Variants in ATP13A5 observed in about 807,000 individuals in gnomAD.
ATP13A5 encodes the protein probable cation-transporting ATPase 13A5.
Under a neutral mutation model 150.2 loss-of-function variants are expected in ATP13A5, and 149 were observed. The observed-to-expected ratio is 0.99, with a 90% confidence interval of 0.87 to 1.14. The LOEUF (loss-of-function observed/expected upper bound fraction) is 1.14. Among genes scored for constraint, ATP13A5 ranks in the 50% most tolerant of loss-of-function variants. The pLI is 0.00. For missense variants in ATP13A5, 1,383 were observed against 1,449.3 expected, an observed-to-expected ratio of 0.95 and a Z score of 0.74; for synonymous variants, 497 against 522.2, an observed-to-expected ratio of 0.95 and a Z score of 0.66.
In ATP13A5 at chr3:193,364,152, G is replaced by C. The variant is rs1000318402; in HGVS notation, c.192C>G (p.Ile64Met). The change falls in exon 2 of 30, where the codon ATC (isoleucine) becomes ATG (methionine). Residue 64 changes from isoleucine to methionine, a missense_variant. By Grantham distance (10) the Ile-to-Met change is conservative. Coordinates refer to ENST00000342358, the MANE Select transcript of ATP13A5 (RefSeq NM_198505.4). ...TGTCTGCTTCTTGCAAGGGGCATGG[G>C]ATGCAGTTGGCCCACACTCTCCACT... Reference protein sequence around the residue: ...RPQWRVWANCIPCPLQEADTV... With the variant: ...RPQWRVWANCMPCPLQEADTV... 2.5e-6 allele frequency: 4 copies of C among 1,613,938 alleles called. No individual in the cohort carries two copies. Among genetic ancestry groups the C allele is most frequent in the Admixed American group, 1.7e-5 (1 of 59,986 alleles).
chr3:193,364,608 G>C (rs950501642), intron 1 of ATP13A5, among the ~76,000 whole-genome samples: 5 of 151,164 alleles, frequency 3.3e-5, no homozygotes, highest in Non-Finnish European at 4.4e-5. Flanking sequence ...TTTTCTTTAG[G>C]CATTAGTTAT....
At chr3:193,301,338 G>A (rs139485206) in intron 23 of ATP13A5, 31 bp from the exon 24 acceptor site, 17 of 1,553,700 alleles carry the variant, frequency 1.1e-5, no homozygotes, top group Admixed American at 1.1e-4. Context: ...ATAAAAATTG[G>A]TTATGTATGA....
chr3:193,377,047 T>C (rs1713669463), intron 1 of ATP13A5, among the ~76,000 whole-genome samples: 1 of 152,206 alleles, frequency 6.6e-6, no homozygotes, highest in Non-Finnish European at 1.5e-5. Flanking sequence ...GGCACCTGGC[T>C]CATTATTTAA....
At position 193,324,873 on chromosome 3, in the gene ATP13A5, G is replaced by A. The variant is rs1719414812; in HGVS notation, c.1665C>T (p.Gly555=). Residue 555 remains glycine (G), a synonymous_variant, in exon 14 of 30, where the codon GGC becomes GGT. Coordinates refer to ENST00000342358, the MANE Select transcript of ATP13A5 (RefSeq NM_198505.4). ...GDPLDLKMFE[G]TAWKMEDCIV... is the part of the protein sequence containing the mutation. ...TAAACTATCACCTTACCCAGGCAGT[G>A]CCCTCAAACATTTTGAGGTCCAGAG... The A allele has an allele frequency of 1.2e-6, 2 of 1,613,728 alleles. No homozygotes were observed. The highest frequency in any genetic ancestry group is 1.3e-5 in the African/African-American group (1 of 74,886).
chr3:193,310,660 T>C lies in ATP13A5; in HGVS notation c.2503A>G (p.Ile835Val). 6.2e-7 allele frequency: 1 copy of C among 1,607,198 alleles called. No individual in the cohort carries two copies. The highest frequency in any genetic ancestry group is 8.5e-7 in the Non-Finnish European group (1 of 1,178,246). Residue 835 changes from isoleucine to valine, a missense_variant, in exon 21 of 30, where the codon ATT becomes GTT. By Grantham distance (29) the Ile-to-Val change is conservative. Around this residue, in one of 3 missense-constraint regions of ATP13A5, gnomAD observed 568 missense variants for 621.5 expected, o/e 0.91. Transcript: ENST00000342358. ...RMSPGQKSSL[I>V]EEFQKLNYYV... ...TACTTTAATTTCTGAAATTCTTCAA[T>C]AAGGCTTGATTTCTGCCCAGGAGAC...
intron 26 of ATP13A5, among the ~76,000 whole-genome samples, chr3:193,287,770 A>G (rs1229719714): frequency 6.6e-6 from 1 of 152,158 alleles, no homozygotes. Flanking sequence ...TTTTTAAGAA[A>G]TACACTTTTT....
At position 193,363,301 on chromosome 3, in the gene ATP13A5, C is replaced by T. The variant is rs201387347; in HGVS notation, c.319G>A (p.Glu107Lys). ...TGGCGGTCAGCCACCAGGGATTCTT[C>T]CCACTTCTTGCTTACAGGAAACTTC... is the stretch of plus-strand genomic sequence containing the variant. ...TLKFPVSKKW[E>K]ESLVADRHSV... The change falls in exon 3 of 30, where the codon GAA (glutamate) becomes AAA (lysine). Residue 107 changes from glutamate (E) to lysine (K), a missense_variant. Glu to Lys is a moderately conservative substitution (Grantham distance 56). This residue lies in a region of ATP13A5 where 787 missense variants were observed against 771.9 expected (regional missense o/e 1.02). Coordinates refer to ENST00000342358, the MANE Select transcript of ATP13A5 (RefSeq NM_198505.4). The T allele has an allele frequency of 3.3e-3, 5,366 of 1,613,890 alleles. 13 individuals are homozygous for T. The highest frequency in any genetic ancestry group is 4.2e-3 in the Non-Finnish European group (4,902 of 1,179,816).
chr3:193,297,656 G>T (rs1193919271), intron 25 of ATP13A5, among the ~76,000 whole-genome samples: 1 of 151,912 alleles, frequency 6.6e-6, no homozygotes, highest in Non-Finnish European at 1.5e-5. Context: ...GGTAATAACG[G>T]TCCCACTGTG....
At chr3:193,299,545 T>A (rs1202456850) in intron 24 of ATP13A5, among the ~76,000 whole-genome samples, 1 of 152,168 alleles carries the variant, frequency 6.6e-6, no homozygotes, top group Non-Finnish European at 1.5e-5. Flanking sequence ...TTAGAAATGT[T>A]ATACTTAAAA....
chr3:193,292,545 C>T (rs553442315), intron 25 of ATP13A5, among the ~76,000 whole-genome samples: 24 of 152,248 alleles, frequency 1.6e-4, no homozygotes, highest in East Asian at 5.8e-4. Context: ...CTTGCACAGC[C>T]GGGCTTGCCC....
chr3:193,362,551 A>G lies in ATP13A5; in HGVS notation c.455+16T>C. The stretch of plus-strand genomic sequence containing the variant: ...CCCTATATCCTGACCAAGGGGTGAC[A>G]AAACATTGTACTTACCCAACTTTCT... On this transcript the variant is annotated intron_variant, in intron 4 of 29. Transcript: ENST00000342358. 6.2e-7 allele frequency: 1 copy of G among 1,614,066 alleles called. No homozygotes were observed. Among genetic ancestry groups the G allele is most frequent in the Non-Finnish European group, 8.5e-7 (1 of 1,179,896 alleles).
intron 12 of ATP13A5, among the ~76,000 whole-genome samples, chr3:193,329,990 C>T (rs1326927865): frequency 6.6e-6 from 1 of 152,162 alleles, no homozygotes; most frequent in Non-Finnish European, 1.5e-5. Flanking sequence ...CACTCCTTAG[C>T]GTGGCATATG....
intron 25 of ATP13A5, among the ~76,000 whole-genome samples, chr3:193,298,783 G>A (rs6804658): frequency 0.039 from 5,918 of 152,202 alleles, 332 homozygotes; most frequent in African/African-American, 0.13. Flanking sequence ...CTGGTTTCAC[G>A]TCAATGTGAA....
rs536739186 is a variant in ATP13A5 at position 193,311,666 on chromosome 3, G to C, written c.2445+150C>G. On this transcript the variant is annotated intron_variant, in intron 20 of 29. Transcript: ENST00000342358. ...GACCGAGAAGGCATAAAAAGGGCCA[G>C]AAAACTTTTTCAGGAGCAGTACTCC... 6.0e-6 allele frequency: 7 copies of C among 1,157,264 alleles called. No homozygotes were observed. The African/African-American group carries it at 1.1e-4, about 18-fold the overall frequency. The allele number at this position is 1,157,264 out of a possible 1,614,324, so 71.7% of individuals were successfully genotyped here. A position where few individuals can be genotyped will look rare whatever the true frequency, so the allele number is the denominator to read the frequency against.
At chr3:193,309,650 C>T (rs1037815413) in intron 21 of ATP13A5, among the ~76,000 whole-genome samples, 1 of 152,136 alleles carries the variant, frequency 6.6e-6, no homozygotes, top group African/African-American at 2.4e-5. Context: ...GTTCTTCTTG[C>T]TTGCTTGCTC....
intron 25 of ATP13A5, among the ~76,000 whole-genome samples, chr3:193,297,581 T>A (rs947827700): frequency 6.6e-6 from 1 of 152,086 alleles, no homozygotes; most frequent in African/African-American, 2.4e-5. Context: ...TAAAGTGCCG[T>A]CACTCTGATA....
chr3:193,366,184 G>GAAAAGAACA (rs1713232554), intron 1 of ATP13A5, among the ~76,000 whole-genome samples: 1 of 151,936 alleles, frequency 6.6e-6, no homozygotes, highest in Non-Finnish European at 1.5e-5. Context: ...GTTAAATGGA[G>GAAAAGAACA]AAAAGAACAA....
chr3:193,276,776 G>T lies in ATP13A5; in HGVS notation c.3370C>A (p.Gln1124Lys). The change falls in exon 29 of 30, where the codon CAA becomes AAA. Residue 1124 changes from glutamine (Q) to lysine (K), a missense_variant. This residue lies in a region of ATP13A5 where 568 missense variants were observed against 621.5 expected (regional missense o/e 0.91). Transcript: ENST00000342358. ...RVLILVVALT[Q>K]FCVAFFVEDS... The stretch of plus-strand genomic sequence containing the variant: ...TCTACAAAGAAAGCCACACAGAATT[G>T]GGTGAGGGCTACCACCAAAATTAAA... 2 of 1,612,786 alleles carry T rather than the reference G, an allele frequency of 1.2e-6. No homozygotes were observed. Among genetic ancestry groups the T allele is most frequent in the Non-Finnish European group, 1.7e-6 (2 of 1,179,076 alleles).
chr3:193,295,649 A>G (rs549463374), intron 25 of ATP13A5, among the ~76,000 whole-genome samples: 1 of 152,232 alleles, frequency 6.6e-6, no homozygotes, highest in East Asian at 1.9e-4. Flanking sequence ...TCTTGTCTAG[A>G]AAATTGTGCC....
Sources: gnomAD v4.1 joint callset for allele counts (sites outside exome capture counted in the v4.1 genomes callset) on GRCh38, gnomAD v4.1.1 for gene constraint, gnomAD v4.1.1 regional missense constraint, MANE v1.5 for transcripts, NCBI Gene and HGNC (gene_info 2026-07-23, HGNC 2026-07-21) for gene names.